The following KICS2 variants were observed in gnomAD, a reference collection of about 807,000 sequenced individuals.
KICS2 encodes KICSTOR complex protein C12orf66.
In KICS2, 13 loss-of-function variants were observed where a neutral mutation model predicts 31.4. The ratio of observed to expected loss-of-function variants is 0.41; its 90% CI spans 0.27 to 0.66. KICS2 has a LOEUF of 0.66. KICS2 is among the 30% of genes least tolerant of loss of function. The probability of loss-of-function intolerance (pLI) is 0.28; values close to 1 mark genes in which losing one functional copy is unlikely to be tolerated. For synonymous variants in KICS2, 209 were observed against 214.8 expected (o/e 0.97, Z 0.24); for missense variants, 455 against 545.4 (o/e 0.83, Z 1.65).
At chr12:64,219,962 T>C (rs2037664284) in intron 1 of KICS2, among the ~76,000 whole-genome samples, 1 of 152,136 alleles carries the variant, frequency 6.6e-6, no homozygotes, top group African/African-American at 2.4e-5. Flanking sequence ...TTTAAGAAAA[T>C]AGTAAACCGG....
At chr12:64,210,541 CAAGGCAGGAG>C (rs2037573610) in intron 2 of KICS2, among the ~76,000 whole-genome samples, 1 of 152,030 alleles carries the variant, frequency 6.6e-6, no homozygotes. Flanking sequence ...TTTGGAAGGC[CAAGGCAGGAG>C]GATGGCTTGG....
intron 2 of KICS2, among the ~76,000 whole-genome samples, chr12:64,205,614 G>GAAGGAAGGAAGGAAAAAGGA: frequency 7.0e-6 from 1 of 142,100 alleles, no homozygotes; most frequent in African/African-American, 2.5e-5. Context: ...GGGAAAAAGG[G>GAAGGAAGGAAGGAAAAAGGA]AAGGAAGGAA....
At chr12:64,196,460 C>T (rs987969431) in intron 2 of KICS2, among the ~76,000 whole-genome samples, 2 of 150,068 alleles carry the variant, frequency 1.3e-5, no homozygotes, top group African/African-American at 4.9e-5. Flanking sequence ...ACATCACCAT[C>T]ATCAAAGACC....
At position 64,194,135 on chromosome 12, in the gene KICS2, CA is replaced by C; in HGVS notation, c.1044del (p.Val349Ter). 6.2e-7 allele frequency: 1 copy of C among 1,614,162 alleles called. No homozygotes were observed. On this transcript the variant is annotated frameshift_variant, in exon 3 of 3. Coordinates refer to ENST00000398055, the MANE Select transcript of KICS2 (RefSeq NM_152440.5). LOFTEE classifies it high-confidence loss of function. ...GGCCTGTCGCTGGGCAGAGACACTA[CA>C]GCTGGATACTGGTCCACACCCTTGG... ...EAPKGVDQYP[A>X]VVSLPSDRPV...
At chr12:64,217,798 CAAAAG>C (rs1592390020) in intron 1 of KICS2, among the ~76,000 whole-genome samples, 3 of 122,306 alleles carry the variant, frequency 2.5e-5, no homozygotes, top group Admixed American at 9.1e-5. Context: ...AAGACTCCAT[CAAAAG>C]AAAAGAAAAG....
At chr12:64,202,678 A>G (rs1026332787) in intron 2 of KICS2, among the ~76,000 whole-genome samples, 1 of 148,978 alleles carries the variant, frequency 6.7e-6, no homozygotes, top group Non-Finnish European at 1.5e-5. Flanking sequence ...AATATATATT[A>G]AATATATATT....
At chr12:64,190,563 G>C (rs1308219733), downstream of KICS2, among the ~76,000 whole-genome samples, 1 of 152,026 alleles carries the variant, frequency 6.6e-6, no homozygotes. Context: ...CCAGGATTTC[G>C]AGACCAGCCT....
rs182166874 is a variant in KICS2, at chr12:64,219,518, G to T, written c.235+2485C>A. ...AGGCCCTGCTTGCTTCTTTAATCAGGATTCACTGCTAAGGCCTCAAATAAA... is the reference window on the plus strand; with the variant it reads ...AGGCCCTGCTTGCTTCTTTAATCAGTATTCACTGCTAAGGCCTCAAATAAA... On this transcript the variant is annotated intron_variant, in intron 1 of 2. Coordinates refer to ENST00000398055, the MANE Select transcript of KICS2 (RefSeq NM_152440.5). Among the ~76,000 whole-genome samples, 115 of 152,198 alleles carry T rather than the reference G, an allele frequency of 7.6e-4. 1 individual carries two copies. Among genetic ancestry groups the T allele is most frequent in the African/African-American group, 2.6e-3 (106 of 41,536 alleles).
intron 1 of KICS2, among the ~76,000 whole-genome samples, chr12:64,217,791 A>G (rs1244107920): frequency 6.6e-6 from 1 of 151,768 alleles, no homozygotes; most frequent in Non-Finnish European, 1.5e-5. Context: ...ACAGAGCAAG[A>G]CTCCATCAAA....
chr12:64,205,703 G>A (rs34360383), intron 2 of KICS2, among the ~76,000 whole-genome samples: 140 of 117,568 alleles, frequency 1.2e-3, no homozygotes, highest in Admixed American at 1.5e-3. Context: ...GAAGGAAAAA[G>A]GGAAGGAAGG....
chr12:64,216,838 C>T (rs963804138), intron 1 of KICS2, among the ~76,000 whole-genome samples: 1 of 152,036 alleles, frequency 6.6e-6, no homozygotes, highest in Non-Finnish European at 1.5e-5. Context: ...ATGGATGTTC[C>T]CTTAAGCAAT....
intron 2 of KICS2, among the ~76,000 whole-genome samples, chr12:64,206,553 G>C (rs1196742937): frequency 6.6e-6 from 1 of 152,056 alleles, no homozygotes; most frequent in Non-Finnish European, 1.5e-5. Context: ...AATTCCTTTT[G>C]GTCAAAAGAT....
At chr12:64,216,902 A>T (rs922384632) in intron 1 of KICS2, among the ~76,000 whole-genome samples, 2 of 151,720 alleles carry the variant, frequency 1.3e-5, no homozygotes, top group Admixed American at 6.6e-5. Context: ...AAAAGAAAAA[A>T]AGAAACAGGG....
intron 2 of KICS2, among the ~76,000 whole-genome samples, chr12:64,205,090 T>C (rs2037524993): frequency 6.6e-6 from 1 of 152,208 alleles, no homozygotes; most frequent in East Asian, 1.9e-4. Context: ...AGCAACATAG[T>C]AAGACTGTTA....
intron 1 of KICS2, among the ~76,000 whole-genome samples, chr12:64,219,206 A>G (rs1289761303): frequency 6.6e-6 from 1 of 152,204 alleles, no homozygotes; most frequent in Non-Finnish European, 1.5e-5. Context: ...AATACTTTTT[A>G]AACATCAGTT....
chr12:64,198,830 G>T (rs1009186313), intron 2 of KICS2, among the ~76,000 whole-genome samples: 6 of 149,452 alleles, frequency 4.0e-5, no homozygotes, highest in African/African-American at 1.5e-4. Context: ...ACACCTCTAC[G>T]CAAATAAACT....
chr12:64,195,470 A>G (rs1469078283), intron 2 of KICS2, among the ~76,000 whole-genome samples: 2 of 152,238 alleles, frequency 1.3e-5, no homozygotes, highest in Non-Finnish European at 2.9e-5. Context: ...TATGGAAAAC[A>G]CAGTAGATAA....
intron 2 of KICS2, among the ~76,000 whole-genome samples, chr12:64,206,042 C>T (rs1436928409): frequency 6.6e-6 from 1 of 152,184 alleles, no homozygotes; most frequent in Non-Finnish European, 1.5e-5. Flanking sequence ...CCTCAGCCCA[C>T]TTAGCAGCTG....
Position 64,203,698 on chromosome 12 carries a change from T to TA in KICS2, c.522-9041dup, listed in dbSNP as rs201069231. ...AAATCACAAGTGTATCTAGAATTTTTAAAAAAAATCTATTTAAGTACTAAT... is the reference window on the plus strand; with the variant it reads ...AAATCACAAGTGTATCTAGAATTTTTAAAAAAAAATCTATTTAAGTACTAAT... On this transcript the variant is annotated intron_variant, in intron 2 of 2. Coordinates refer to ENST00000398055, the MANE Select transcript of KICS2 (RefSeq NM_152440.5). 2.6e-5 allele frequency among the ~76,000 whole-genome samples: 4 copies of TA among 152,176 alleles called. No individual in the cohort carries two copies. The South Asian group carries it at 6.2e-4, about 24-fold the overall frequency.
Sources: allele counts gnomAD v4.1 joint callset (sites outside exome capture counted in the v4.1 genomes callset), GRCh38; gene constraint gnomAD v4.1.1; transcripts MANE v1.5; gene names NCBI Gene and HGNC (gene_info 2026-07-23, HGNC 2026-07-21).